Variants in CPB1 observed in about 807,000 individuals in gnomAD.
CPB1 encodes carboxypeptidase B1.
Under a neutral mutation model 51.4 loss-of-function variants are expected in CPB1, and 53 were observed. The ratio of observed to expected loss-of-function variants is 1.03; its 90% confidence interval spans 0.83 to 1.30. CPB1 has a LOEUF of 1.30. Ranked by LOEUF, CPB1 falls within the 50% of genes most tolerant of loss-of-function variation. The pLI is 0.00. For synonymous variants in CPB1, 189 were observed against 186.9 expected, an observed-to-expected ratio of 1.01 and a Z score of -0.09; for missense variants, 494 against 516.2, an observed-to-expected ratio of 0.96 and a Z score of 0.42.
chr3:148,842,652 T>C (rs148749239), intron 6 of CPB1, among the ~76,000 whole-genome samples: 209 of 152,316 alleles, frequency 1.4e-3, no homozygotes, highest in African/African-American at 4.8e-3. Flanking sequence ...GCAATAATCA[T>C]GTCAGGCAAA....
chr3:148,855,777 A>C, intron 9 of CPB1: 1 of 152,242 alleles, frequency 6.6e-6, no homozygotes, highest in Non-Finnish European at 1.5e-5. Context: ...CAACCAGGGA[A>C]GGAATAAGAA....
intron 2 of CPB1, among the ~76,000 whole-genome samples, chr3:148,828,966 G>C (rs1316712186): frequency 1.3e-5 from 2 of 152,106 alleles, no homozygotes; most frequent in Non-Finnish European, 2.9e-5. Context: ...TTCCTTCTGG[G>C]AAACAGCATC....
At chr3:148,838,094 A>G (rs928360506) in intron 3 of CPB1, 2 of 152,164 alleles carry the variant, frequency 1.3e-5, no homozygotes, top group African/African-American at 4.8e-5. Flanking sequence ...TAAAAATACA[A>G]AAAATTAGCC....
chr3:148,842,328 A>G (rs1354103204), intron 6 of CPB1, among the ~76,000 whole-genome samples: 1 of 152,198 alleles, frequency 6.6e-6, no homozygotes, highest in Non-Finnish European at 1.5e-5. Flanking sequence ...GTAAAAGCTA[A>G]TGGTTGTGGT....
intron 2 of CPB1, among the ~76,000 whole-genome samples, chr3:148,829,493 C>T (rs1006845994): frequency 6.6e-6 from 1 of 152,174 alleles, no homozygotes; most frequent in Admixed American, 6.5e-5. Flanking sequence ...ATGAATCACC[C>T]TCAAACAGGA....
intron 2 of CPB1, among the ~76,000 whole-genome samples, chr3:148,834,171 T>C (rs1712823710): frequency 6.6e-6 from 1 of 152,186 alleles, no homozygotes; most frequent in African/African-American, 2.4e-5. Context: ...CCACATAGCA[T>C]CTATTCCAAC....
At chr3:148,852,380 C>T (rs1713457851) in intron 9 of CPB1, among the ~76,000 whole-genome samples, 1 of 152,054 alleles carries the variant, frequency 6.6e-6, no homozygotes, top group Non-Finnish European at 1.5e-5. Context: ...TGAGTAGAGG[C>T]CAAGGGATGC....
chr3:148,846,457 T>C (rs931097411), intron 9 of CPB1, among the ~76,000 whole-genome samples: 1 of 151,088 alleles, frequency 6.6e-6, no homozygotes, highest in Non-Finnish European at 1.5e-5. Context: ...AAAAAAAAAA[T>C]GTATTCCATT....
intron 3 of CPB1, among the ~76,000 whole-genome samples, chr3:148,839,998 T>C (rs1405247839): frequency 2.6e-5 from 4 of 151,976 alleles, no homozygotes; most frequent in African/African-American, 9.7e-5. Flanking sequence ...ACCTGGACAA[T>C]TCATTTCTCT....
chr3:148,851,347 A>G (rs941370882), intron 9 of CPB1: 3 of 150,424 alleles, frequency 2.0e-5, no homozygotes, highest in Non-Finnish European at 4.4e-5. Context: ...AAAAAAAAAA[A>G]AAAAAAAAAG....
chr3:148,844,564 T>C lies in CPB1; in HGVS notation c.663T>C (p.Asp221=). Residue 221 remains aspartate (D), a synonymous_variant, in exon 7 of 11, where the codon GAT becomes GAC. Coordinates refer to ENST00000282957, the MANE Select transcript of CPB1 (RefSeq NM_001871.3). ...DFYVLPVLNI[D]GYIYTWTKSR... ...ATGTCCTGCCTGTGCTCAATATTGA[T>C]GGCTACATCTACACCTGGACCAAGG... The C allele has an allele frequency of 1.2e-6, 2 of 1,613,666 alleles. No homozygotes were observed. Among genetic ancestry groups the C allele is most frequent in the South Asian group, 2.2e-5 (2 of 91,044 alleles).
intron 3 of CPB1, among the ~76,000 whole-genome samples, chr3:148,840,374 A>G (rs958715373): frequency 6.6e-6 from 1 of 152,196 alleles, no homozygotes; most frequent in Non-Finnish European, 1.5e-5. Flanking sequence ...AAAATGTCCC[A>G]GGTACCAGGA....
chr3:148,853,330 T>C (rs992503152), intron 9 of CPB1, among the ~76,000 whole-genome samples: 3 of 152,144 alleles, frequency 2.0e-5, no homozygotes, highest in Non-Finnish European at 4.4e-5. Context: ...ATGTGCACAG[T>C]CACGAAAGGG....
intron 3 of CPB1, among the ~76,000 whole-genome samples, chr3:148,837,875 A>T (rs1248919116): frequency 6.6e-6 from 1 of 152,220 alleles, no homozygotes; most frequent in East Asian, 1.9e-4. Flanking sequence ...TTTAATATTT[A>T]AAGTAGTAAT....
In CPB1 at chr3:148,840,922, T is replaced by C; in HGVS notation, c.421T>C (p.Ser141Pro). ...CGCCACTGAGAATCCAGCCCTCATC[T>C]CTCGCAGTGTTATCGGAACCACATT... ...QVATENPALI[S>P]RSVIGTTFEG... The change falls in exon 5 of 11, where the codon TCT becomes CCT. Residue 141 changes from serine (S) to proline (P), a missense_variant. Ser to Pro is a moderately conservative substitution (Grantham distance 74). Coordinates refer to ENST00000282957, the MANE Select transcript of CPB1 (RefSeq NM_001871.3). 6.2e-7 allele frequency: 1 copy of C among 1,614,122 alleles called. No homozygotes were observed. The highest frequency in any genetic ancestry group is 8.5e-7 in the Non-Finnish European group (1 of 1,179,992).
At chr3:148,848,615 G>C (rs1024709707) in intron 9 of CPB1, among the ~76,000 whole-genome samples, 3 of 152,074 alleles carry the variant, frequency 2.0e-5, no homozygotes, top group Non-Finnish European at 4.4e-5. Flanking sequence ...CCAAACTTAG[G>C]ACATCCTATA....
In CPB1 at chr3:148,844,751, T is replaced by G. The variant is rs752995584; in HGVS notation, c.762T>G (p.Phe254Leu). The G allele has an allele frequency of 2.5e-6, 4 of 1,613,910 alleles. No individual in the cohort carries two copies. The Admixed American group carries it at 6.7e-5, about 27-fold the overall frequency. The stretch of plus-strand genomic sequence containing the variant: ...TTGGCACAGACCCCAACAGAAATTT[T>G]GATGCTGGTTGGTGTGGTAAGTATC... ...SCIGTDPNRNFDAGWCEIGAS... is the reference protein window; with the variant it reads ...SCIGTDPNRNLDAGWCEIGAS... The change falls in exon 8 of 11, where the codon TTT becomes TTG. Residue 254 changes from phenylalanine (F) to leucine (L), a missense_variant. Phe to Leu is a conservative substitution (Grantham distance 22). Transcript: ENST00000282957.
chr3:148,829,806 T>G (rs1285662138), intron 2 of CPB1, among the ~76,000 whole-genome samples: 2 of 152,156 alleles, frequency 1.3e-5, no homozygotes, highest in Non-Finnish European at 2.9e-5. Context: ...ATCATGAATC[T>G]CCAATGTGCC....
intron 9 of CPB1, among the ~76,000 whole-genome samples, chr3:148,853,685 A>G (rs1426545999): frequency 1.3e-5 from 2 of 152,214 alleles, no homozygotes; most frequent in Non-Finnish European, 2.9e-5. Context: ...GTTCTTTACA[A>G]TTGGTAAAAC....
Sources: gnomAD v4.1 joint callset for allele counts (sites outside exome capture counted in the v4.1 genomes callset) on GRCh38, gnomAD v4.1.1 for gene constraint, MANE v1.5 for transcripts, NCBI Gene and HGNC (gene_info 2026-07-23, HGNC 2026-07-21) for gene names.